TOM1: variants seen among roughly 807,000 people sequenced by gnomAD.
The protein encoded by TOM1 is target of Myb protein 1.
In TOM1, 38 loss-of-function variants were observed where a neutral mutation model predicts 61.3. That is an observed-to-expected ratio of 0.62 (90% CI 0.48 to 0.81). TOM1 has a LOEUF of 0.81. TOM1 is among the 40% of genes least tolerant of loss of function. TOM1 has a pLI of 0.00. For missense variants in TOM1, 591 were observed against 659.6 expected, an observed-to-expected ratio of 0.90 and a Z score of 1.14; for synonymous variants, 270 against 268.8, an observed-to-expected ratio of 1.00 and a Z score of -0.04.
Position 35,347,508 on chromosome 22 carries a change from C to G in TOM1, c.*299C>G, listed in dbSNP as rs2145742781. The G allele has an allele frequency of 6.8e-6, 2 of 295,414 alleles. No homozygotes were observed. Among genetic ancestry groups the G allele is most frequent in the East Asian group, 1.3e-4 (2 of 15,120 alleles). The allele number at this position is 295,414 out of a possible 1,614,324, so 18.3% of individuals were successfully genotyped here. On this transcript the variant is annotated 3_prime_UTR_variant, in exon 15 of 15. Coordinates refer to ENST00000449058, the MANE Select transcript of TOM1 (RefSeq NM_005488.3). ...CAGGACAGGCTGGCTGGCTGGCTGG[C>G]TGCTTGACCCAGTGTGACTCTCCTT...
chr22:35,328,726 G>A (rs1193783304), intron 7 of TOM1, among the ~76,000 whole-genome samples: 1 of 152,202 alleles, frequency 6.6e-6, no homozygotes, highest in Non-Finnish European at 1.5e-5. Context: ...AGGGGGCAGG[G>A]GACAGGGTCC....
At chr22:35,316,100 T>A (rs1294603336) in intron 1 of TOM1, among the ~76,000 whole-genome samples, 1 of 152,258 alleles carries the variant, frequency 6.6e-6, no homozygotes, top group Non-Finnish European at 1.5e-5. Flanking sequence ...AGCACTGTGC[T>A]CAAGTGCCTG....
intron 7 of TOM1, among the ~76,000 whole-genome samples, chr22:35,329,049 G>A (rs1465070168): frequency 6.6e-6 from 1 of 152,090 alleles, no homozygotes; most frequent in African/African-American, 2.4e-5. Flanking sequence ...TCTGCCTCTT[G>A]GGTTCAAGCT....
chr22:35,339,796 T>G (rs913305158), intron 12 of TOM1, among the ~76,000 whole-genome samples: 1 of 147,968 alleles, frequency 6.8e-6, no homozygotes, highest in Non-Finnish European at 1.5e-5. Flanking sequence ...CCCAGCTACT[T>G]GGGAGGCTGA....
In TOM1 at chr22:35,340,016, C is replaced by T. The variant is rs77585216; in HGVS notation, c.1224+1228C>T. On this transcript the variant is annotated intron_variant, in intron 12 of 14. Coordinates refer to ENST00000449058, the MANE Select transcript of TOM1 (RefSeq NM_005488.3). ...TGAGTGACAGCCACTTGTCCAGCAC[C>T]GAGCACATTTTGTGGGTGACCCCCA... 6.4e-4 allele frequency among the ~76,000 whole-genome samples: 97 copies of T among 152,366 alleles called. 2 individuals carry two copies. Among genetic ancestry groups the T allele is most frequent in the Non-Finnish European group, 1.1e-3 (76 of 68,036 alleles).
chr22:35,323,930 G>A lies in TOM1; in HGVS notation c.648+16G>A. On this transcript the variant is annotated intron_variant, in intron 6 of 14. Transcript: ENST00000449058. This position sits in a 1 kb window ranked among gnomAD's most constrained non-coding sequence, Gnocchi z 4.2. ...CCCGGAACAGGTAAACGAGCCTGGG[G>A]TCAGAACCGTCAGGTCCAGGCAGGT... is the stretch of plus-strand genomic sequence containing the variant. The A allele has an allele frequency of 6.5e-7, 1 of 1,534,348 alleles. No homozygotes were observed. Among genetic ancestry groups the A allele is most frequent in the Non-Finnish European group, 8.8e-7 (1 of 1,138,362 alleles).
intron 1 of TOM1, among the ~76,000 whole-genome samples, chr22:35,317,539 C>T (rs1462294407): frequency 6.6e-6 from 1 of 152,172 alleles, no homozygotes; most frequent in African/African-American, 2.4e-5. Flanking sequence ...AGAAATGAAG[C>T]AAAGCACTGT....
chr22:35,301,697 C>G (rs572601289), intron 1 of TOM1, among the ~76,000 whole-genome samples: 1 of 152,128 alleles, frequency 6.6e-6, no homozygotes, highest in Non-Finnish European at 1.5e-5. Flanking sequence ...GTGGCTCTTC[C>G]GAGGTTTTGT....
chr22:35,324,105 A>G (rs939930568), intron 6 of TOM1, among the ~76,000 whole-genome samples, 191 bp downstream of exon 6: 6 of 152,234 alleles, frequency 3.9e-5, no homozygotes, highest in African/African-American at 1.4e-4. Context: ...CAGAGCACAC[A>G]GTCATCAGAG....
Position 35,337,414 on chromosome 22 carries a change from G to A in TOM1, c.1149-1299G>A, listed in dbSNP as rs188285669. 2.1e-3 allele frequency among the ~76,000 whole-genome samples: 323 copies of A among 152,230 alleles called. 3 individuals are homozygous for A. The highest frequency in any genetic ancestry group is 7.0e-3 in the African/African-American group (289 of 41,544). ...AGCAACCTGACGCCCCACCTCCCCCGCCACTGGCTTTAAGGTTGGCTCCAG... is the reference window on the plus strand; with the variant it reads ...AGCAACCTGACGCCCCACCTCCCCCACCACTGGCTTTAAGGTTGGCTCCAG... On this transcript the variant is annotated intron_variant, in intron 11 of 14. Transcript: ENST00000449058.
At position 35,347,039 on chromosome 22, in the gene TOM1, T is replaced by C. The variant is rs1281868543; in HGVS notation, c.1325-16T>C. ...CTGGCCTCAGGGCCTACCCTCACCC[T>C]CTCCCCTTCCTCTAGAATTTGACAA... On this transcript the variant is annotated splice_polypyrimidine_tract_variant and intron_variant, in intron 14 of 14. Coordinates refer to ENST00000449058, the MANE Select transcript of TOM1 (RefSeq NM_005488.3). 12 of 1,369,982 alleles carry C rather than the reference T, an allele frequency of 8.8e-6. No homozygotes were observed. The highest frequency in any genetic ancestry group is 1.9e-5 in the Admixed American group (1 of 51,854). 84.9% of individuals were successfully genotyped at this position (1,369,982 alleles called of 1,614,324 possible).
rs1198878214 is a variant in TOM1 at position 35,333,009 on chromosome 22, A to T, written c.928A>T (p.Thr310Ser). 1 of 1,614,218 alleles carries T rather than the reference A, an allele frequency of 6.2e-7. No individual in the cohort carries two copies. Among genetic ancestry groups the T allele is most frequent in the Non-Finnish European group, 8.5e-7 (1 of 1,180,030 alleles). Residue 310 changes from threonine to serine, a missense_variant, in exon 9 of 15, where the codon ACC (threonine) becomes TCC (serine). By Grantham distance (58) the Thr-to-Ser change is moderately conservative. Coordinates refer to ENST00000449058, the MANE Select transcript of TOM1 (RefSeq NM_005488.3). ...RFERFRTGQT[T>S]KAPSEAEPAA... is the part of the protein sequence containing the mutation. ...TGAACGGTTCCGAACAGGCCAGACC[A>T]CCAAGGTAAAAGTCTTCTTTTCTGT...
chr22:35,347,185 T>G lies in TOM1; in HGVS notation c.1455T>G (p.Asp485Glu), dbSNP rs140465923. The G allele has an allele frequency of 6.2e-7, 1 of 1,611,968 alleles. No homozygotes were observed. Among genetic ancestry groups the G allele is most frequent in the Admixed American group, 1.7e-5 (1 of 59,508 alleles). ...CCCGGAAGAAGACCCAGGAGAAAGA[T>G]GATGACATGCTGTTTGCCTTATGAG... ...PAPRKKTQEK[D>E]DDMLFAL The change falls in exon 15 of 15, where the codon GAT (aspartate) becomes GAG (glutamate). Residue 485 changes from aspartate (D) to glutamate (E), a missense_variant. By Grantham distance (45) the Asp-to-Glu change is conservative. Coordinates refer to ENST00000449058, the MANE Select transcript of TOM1 (RefSeq NM_005488.3).
chr22:35,337,413 C>G (rs1399281187), intron 11 of TOM1, among the ~76,000 whole-genome samples: 1 of 152,208 alleles, frequency 6.6e-6, no homozygotes, highest in Non-Finnish European at 1.5e-5. Context: ...CCACCTCCCC[C>G]GCCACTGGCT....
chr22:35,302,243 C>A (rs1925864205), intron 1 of TOM1, among the ~76,000 whole-genome samples: 1 of 151,902 alleles, frequency 6.6e-6, no homozygotes, highest in African/African-American at 2.4e-5. Context: ...AATGTCGGGG[C>A]CCCAACCCCA....
rs757877286 is a variant in TOM1, at chr22:35,333,542, C to T, written c.1027+45C>T. The T allele has an allele frequency of 1.7e-5, 27 of 1,568,938 alleles. No individual in the cohort carries two copies. The Admixed American group carries it at 4.5e-4, about 26-fold the overall frequency. ...CTCCAGCTGAGGGTACATTATGGTA[C>T]TGTGGGCACCCCTGCAGATTTTCGG... On this transcript the variant is annotated intron_variant, in intron 10 of 14. Coordinates refer to ENST00000449058, the MANE Select transcript of TOM1 (RefSeq NM_005488.3).
intron 6 of TOM1, among the ~76,000 whole-genome samples, chr22:35,324,761 G>A (rs1198748813): frequency 6.6e-6 from 1 of 152,110 alleles, no homozygotes; most frequent in Non-Finnish European, 1.5e-5. Context: ...TGTTGGCCAG[G>A]CTAGTCTCGA....
chr22:35,327,197 T>C, intron 6 of TOM1, 74 bp from the exon 7 acceptor site: 1 of 1,437,982 alleles, frequency 7.0e-7, no homozygotes. Flanking sequence ...TTGGTGGTAC[T>C]GGGTTCTGTC....
chr22:35,299,922 A>C lies in TOM1; in HGVS notation c.-7A>C. On this transcript the variant is annotated 5_prime_UTR_variant, in exon 1 of 15. Transcript: ENST00000449058. ...TCCCGGGGTTGGTGGCAGCGGCGGTAGCAGCAATGGACTTTCTCCTGGGGA... is the reference window on the plus strand; with the variant it reads ...TCCCGGGGTTGGTGGCAGCGGCGGTCGCAGCAATGGACTTTCTCCTGGGGA... 2 of 1,580,538 alleles carry C rather than the reference A, an allele frequency of 1.3e-6. No homozygotes were observed. Among genetic ancestry groups the C allele is most frequent in the African/African-American group, 2.7e-5 (2 of 74,484 alleles).
Sources: allele counts gnomAD v4.1 joint callset (sites outside exome capture counted in the v4.1 genomes callset), GRCh38; gene constraint gnomAD v4.1.1; non-coding constraint Gnocchi (gnomAD v3.1); transcripts MANE v1.5; gene names NCBI Gene and HGNC (gene_info 2026-07-23, HGNC 2026-07-21).